The following RIC8B variants were observed in gnomAD, a reference collection of about 807,000 sequenced individuals.
The protein encoded by RIC8B is chaperone Ric-8B.
Under a neutral mutation model 57.5 loss-of-function variants are expected in RIC8B, and 16 were observed. The observed-to-expected ratio is 0.28, with a 90% CI of 0.19 to 0.42. The LOEUF is 0.42. Among genes scored for constraint, RIC8B ranks in the 10% least tolerant of loss-of-function variants. RIC8B has a pLI of 1.00. For synonymous variants in RIC8B, 216 were observed against 250.8 expected, an observed-to-expected ratio of 0.86 and a Z score of 1.31; for missense variants, 481 against 677.0, an observed-to-expected ratio of 0.71 and a Z score of 3.21.
At chr12:106,841,544 C>CAGATAGATTA (rs375743164) in intron 4 of RIC8B, among the ~76,000 whole-genome samples, 4 of 152,086 alleles carry the variant, frequency 2.6e-5, no homozygotes, top group African/African-American at 9.7e-5. Context: ...AAGATAGTAT[C>CAGATAGATTA]AGATAGATTA....
At chr12:106,838,530 C>G (rs2046718717) in intron 4 of RIC8B, among the ~76,000 whole-genome samples, 1 of 140,684 alleles carries the variant, frequency 7.1e-6, no homozygotes, top group Non-Finnish European at 1.5e-5. Context: ...AGAACAATAC[C>G]CTGTCAAAAA....
intron 1 of RIC8B, among the ~76,000 whole-genome samples, chr12:106,775,130 G>A (rs780964580): frequency 6.6e-6 from 1 of 152,160 alleles, no homozygotes; most frequent in Non-Finnish European, 1.5e-5. Context: ...TCTGTGCCCC[G>A]TGCCCCACTC....
intron 4 of RIC8B, among the ~76,000 whole-genome samples, chr12:106,829,069 G>C (rs1174996493): frequency 6.6e-6 from 1 of 152,210 alleles, no homozygotes; most frequent in Non-Finnish European, 1.5e-5. Flanking sequence ...AAATGAGTTA[G>C]CTCGTAAAGA....
intron 9 of RIC8B, among the ~76,000 whole-genome samples, chr12:106,876,153 G>A (rs1326470022): frequency 2.6e-5 from 4 of 152,000 alleles, no homozygotes; most frequent in Admixed American, 2.6e-4. Context: ...AGACTACCCT[G>A]TCCAGAGTAT....
Position 106,888,416 on chromosome 12 carries a change from T to C in RIC8B, c.*2401T>C, listed in dbSNP as rs1376599359. ...TCATGTAACCTCACCTTATCGCATA[T>C]GAAAGATCCTCTCCAGAAAGCTTAT... On this transcript the variant is annotated 3_prime_UTR_variant, in exon 10 of 10. Transcript: ENST00000392837. 1 of 152,546 alleles carries C rather than the reference T, an allele frequency of 6.6e-6. No homozygotes were observed. Among genetic ancestry groups the C allele is most frequent in the African/African-American group, 2.4e-5 (1 of 41,462 alleles). 9.4% of individuals were successfully genotyped at this position (152,546 alleles called of 1,614,324 possible).
intron 4 of RIC8B, among the ~76,000 whole-genome samples, chr12:106,827,799 C>G (rs1250610646): frequency 1.3e-5 from 2 of 151,930 alleles, no homozygotes; most frequent in Non-Finnish European, 2.9e-5. Context: ...AATTTAGACC[C>G]TAAAACTAAA....
At chr12:106,825,886 T>A in intron 4 of RIC8B, 66 bp downstream of exon 4, 1 of 1,041,426 alleles carries the variant, frequency 9.6e-7, no homozygotes, top group Non-Finnish European at 1.5e-6. Flanking sequence ...TTTATGCATC[T>A]AATTTCAATT....
rs1950729750 is a variant in RIC8B at position 106,877,695 on chromosome 12, C to G, written c.1571+6753C>G. ...ATGTGATCACATTAATAAAACCTAA[C>G]TTAAAAAAGGCTTCCCTATGGGACT... On this transcript the variant is annotated intron_variant, in intron 9 of 9. Transcript: ENST00000392837. Among the ~76,000 whole-genome samples the G allele has an allele frequency of 2.0e-5, 3 of 152,254 alleles. No homozygotes were observed. In the South Asian group the frequency reaches 6.2e-4, roughly 32 times the overall value.
intron 9 of RIC8B, among the ~76,000 whole-genome samples, chr12:106,875,719 T>C (rs1440491915): frequency 6.6e-6 from 1 of 152,140 alleles, no homozygotes; most frequent in Non-Finnish European, 1.5e-5. Flanking sequence ...TTTATATTTA[T>C]ATAAATTAAA....
At chr12:106,780,546 T>G (rs1377721351) in intron 1 of RIC8B, among the ~76,000 whole-genome samples, 2 of 152,250 alleles carry the variant, frequency 1.3e-5, no homozygotes, top group African/African-American at 4.8e-5. Flanking sequence ...TTTTCTACTT[T>G]GGAAGTTGGG....
intron 5 of RIC8B, 103 bp from the exon 6 acceptor site, chr12:106,843,749 C>T (rs1949062719): frequency 2.7e-6 from 2 of 746,274 alleles, no homozygotes; most frequent in East Asian, 2.9e-5. Flanking sequence ...AAAAAAGTCC[C>T]CACCTCAAAA....
intron 9 of RIC8B, among the ~76,000 whole-genome samples, chr12:106,884,237 T>G (rs1162225854): frequency 6.6e-6 from 1 of 152,224 alleles, no homozygotes; most frequent in Non-Finnish European, 1.5e-5. Context: ...AAATGACTTT[T>G]GCATATATTT....
intron 3 of RIC8B, among the ~76,000 whole-genome samples, chr12:106,824,993 T>G (rs2046031470): frequency 6.6e-6 from 1 of 152,240 alleles, no homozygotes; most frequent in Non-Finnish European, 1.5e-5. Flanking sequence ...ATCCAGGCTC[T>G]CTATCACAAT....
chr12:106,858,663 CAG>C (rs1456751174), intron 7 of RIC8B, among the ~76,000 whole-genome samples: 1 of 152,024 alleles, frequency 6.6e-6, no homozygotes, highest in East Asian at 1.9e-4. Flanking sequence ...AGAATTATTA[CAG>C]AGAGACCACA....
At chr12:106,828,481 G>A (rs1209007103) in intron 4 of RIC8B, among the ~76,000 whole-genome samples, 1 of 152,112 alleles carries the variant, frequency 6.6e-6, no homozygotes, top group Non-Finnish European at 1.5e-5. Flanking sequence ...ATTTTTGAAA[G>A]TTATTTTCTA....
rs1317051180 is a variant in RIC8B at position 106,804,635 on chromosome 12, C to T, written c.133-10061C>T. ...TTTGGAAATAATATTCTATAGCACACAGTGCTTTGAAGATGTCATACTTAG... is the reference window on the plus strand; with the variant it reads ...TTTGGAAATAATATTCTATAGCACATAGTGCTTTGAAGATGTCATACTTAG... On this transcript the variant is annotated intron_variant, in intron 2 of 9. Transcript: ENST00000392837. Among the ~76,000 whole-genome samples, 6 of 152,220 alleles carry T rather than the reference C, an allele frequency of 3.9e-5. No individual in the cohort carries two copies. In the South Asian group the frequency reaches 1.0e-3, roughly 26 times the overall value.
rs144960243 is a variant in RIC8B, at chr12:106,881,246, A to G, written c.1572-4658A>G. On this transcript the variant is annotated intron_variant, in intron 9 of 9. Coordinates refer to ENST00000392837, the MANE Select transcript of RIC8B (RefSeq NM_001330145.2). ...GGGGGGTATGCTCCTGAAATAGAAA[A>G]CAAGAATACCTTTGTACTCAAGTCC... Among the ~76,000 whole-genome samples the G allele has an allele frequency of 2.3e-4, 35 of 152,122 alleles. No homozygotes were observed. The East Asian group carries it at 2.7e-3, about 12-fold the overall frequency.
At chr12:106,789,926 C>T (rs2044195463) in intron 2 of RIC8B, among the ~76,000 whole-genome samples, 1 of 124,498 alleles carries the variant, frequency 8.0e-6, no homozygotes, top group South Asian at 2.6e-4. Flanking sequence ...GAACAGTGCC[C>T]TTCAAAAAAA....
At chr12:106,878,870 C>A in intron 9 of RIC8B, 18 of 398,924 alleles carry the variant, frequency 4.5e-5, no homozygotes, top group Non-Finnish European at 5.8e-5. Context: ...AAATATGTTA[C>A]ATAAAAGGAT....
Sources: allele counts gnomAD v4.1 joint callset (sites outside exome capture counted in the v4.1 genomes callset), GRCh38; gene constraint gnomAD v4.1.1; transcripts MANE v1.5; gene names NCBI Gene and HGNC (gene_info 2026-07-23, HGNC 2026-07-21).